ACSS1: variants seen among roughly 807,000 people sequenced by gnomAD.
ACSS1 encodes the protein acyl-CoA synthetase short chain family member 1, also known as acetyl-coenzyme A synthetase 2-like, mitochondrial.
A neutral mutation model predicts 75.3 loss-of-function variants in ACSS1; 42 were observed. That is an observed-to-expected ratio of 0.56 (90% CI 0.44 to 0.72). The LOEUF (loss-of-function observed/expected upper bound fraction) is 0.72. ACSS1 is among the 30% of genes least tolerant of loss of function. The probability of loss-of-function intolerance (pLI) is 0.00; values close to 1 mark genes in which losing one functional copy is unlikely to be tolerated. For synonymous variants in ACSS1, 380 were observed against 376.8 expected (o/e 1.01, Z -0.10); for missense variants, 782 against 935.7 (o/e 0.84, Z 2.14).
intron 1 of ACSS1, among the ~76,000 whole-genome samples, chr20:25,055,611 AG>A (rs1378945302): frequency 2.0e-5 from 3 of 152,204 alleles, no homozygotes; most frequent in African/African-American, 7.2e-5. Flanking sequence ...GTCCCATCCC[AG>A]GGTTTCTGAT....
At chr20:25,027,132 A>G (rs2122665193) in intron 3 of ACSS1, among the ~76,000 whole-genome samples, 1 of 152,350 alleles carries the variant, frequency 6.6e-6, no homozygotes, top group Middle Eastern at 3.4e-3. Context: ...TAAGTCACTT[A>G]AACTCTCTGT....
intron 2 of ACSS1, among the ~76,000 whole-genome samples, chr20:25,033,343 G>A (rs1332087972): frequency 6.6e-6 from 1 of 152,208 alleles, no homozygotes; most frequent in East Asian, 1.9e-4. Context: ...AAGGCCTGGG[G>A]TAGCTTTCTG....
intron 1 of ACSS1, 26 bp downstream of exon 1, chr20:25,057,743 T>C (rs751212508): frequency 2.0e-6 from 3 of 1,532,414 alleles, no homozygotes; most frequent in African/African-American, 1.4e-5. Flanking sequence ...GTTGGGGGCG[T>C]CCTGGGTCTC....
chr20:25,012,783 G>T, intron 11 of ACSS1, 29 bp downstream of exon 11: 1 of 1,613,670 alleles, frequency 6.2e-7, no homozygotes, highest in Non-Finnish European at 8.5e-7. Flanking sequence ...AGGTGTAGGA[G>T]TGAAGGAGGA....
chr20:25,043,772 C>T (rs571735053), intron 2 of ACSS1, among the ~76,000 whole-genome samples: 1 of 152,358 alleles, frequency 6.6e-6, no homozygotes, highest in South Asian at 2.1e-4. Context: ...CCCAGCTCTG[C>T]TCCTCCGTGC....
chr20:25,020,282 C>T, intron 6 of ACSS1, 135 bp from the exon 7 acceptor site: 1 of 1,201,012 alleles, frequency 8.3e-7, no homozygotes, highest in Non-Finnish European at 1.2e-6. Flanking sequence ...ATCCCCCCAA[C>T]CCCCCACCCC....
At chr20:25,034,980 C>T (rs1344537897) in intron 2 of ACSS1, among the ~76,000 whole-genome samples, 1 of 152,036 alleles carries the variant, frequency 6.6e-6, no homozygotes, top group Non-Finnish European at 1.5e-5. Context: ...GCAAGCTCCG[C>T]CCCCTGGGTT....
intron 12 of ACSS1, chr20:25,011,787 G>T (rs1206300420): frequency 2.6e-5 from 4 of 152,276 alleles, no homozygotes; most frequent in African/African-American, 9.6e-5. Context: ...GCACATAGAA[G>T]TGCAGGGAGG....
chr20:25,032,031 G>A (rs553356870), intron 2 of ACSS1, among the ~76,000 whole-genome samples: 16 of 152,296 alleles, frequency 1.1e-4, no homozygotes, highest in East Asian at 7.7e-4. Context: ...CTGCAGCCCC[G>A]AGACAGCACT....
Position 25,007,565 on chromosome 20 carries a change from G to T in ACSS1, c.*197C>A. 2 of 1,425,022 alleles carry T rather than the reference G, an allele frequency of 1.4e-6. No homozygotes were observed. The highest frequency in any genetic ancestry group is 1.8e-6 in the Non-Finnish European group (2 of 1,093,258). The allele number at this position is 1,425,022 out of a possible 1,614,324, so 88.3% of individuals were successfully genotyped here. ...TAGCCATGTCGCATAGCCTCTCCATGGGTGACACTCCTGGGACCTCCAATG... is the reference window on the plus strand; with the variant it reads ...TAGCCATGTCGCATAGCCTCTCCATTGGTGACACTCCTGGGACCTCCAATG... On this transcript the variant is annotated 3_prime_UTR_variant, in exon 14 of 14. Transcript: ENST00000323482.
chr20:25,052,916 T>C (rs2089193843), intron 1 of ACSS1, among the ~76,000 whole-genome samples: 1 of 152,188 alleles, frequency 6.6e-6, no homozygotes, highest in South Asian at 2.1e-4. Flanking sequence ...GGGATTTCCA[T>C]TACAATCCTG....
At chr20:25,027,779 C>CAAAAAAA (rs78414153) in intron 3 of ACSS1, among the ~76,000 whole-genome samples, 5 of 75,348 alleles carry the variant, frequency 6.6e-5, no homozygotes, top group Admixed American at 1.4e-4. Flanking sequence ...AGTGATCAGG[C>CAAAAAAA]AAAAAAAAAA....
At chr20:25,037,942 A>G (rs1162088666) in intron 2 of ACSS1, among the ~76,000 whole-genome samples, 1 of 152,260 alleles carries the variant, frequency 6.6e-6, no homozygotes, top group Non-Finnish European at 1.5e-5. Context: ...GTCAGCTAGC[A>G]GGGCTCATAA....
At chr20:25,015,459 C>A (rs894391840) in intron 7 of ACSS1, among the ~76,000 whole-genome samples, 13 of 152,132 alleles carry the variant, frequency 8.5e-5, no homozygotes, top group Non-Finnish European at 1.8e-4. Flanking sequence ...CCACACCCGG[C>A]TAATTTTTTG....
At chr20:25,014,205 G>A (rs2088475093) in intron 8 of ACSS1, 132 bp from the exon 9 acceptor site, 1 of 739,306 alleles carries the variant, frequency 1.4e-6, no homozygotes, top group Non-Finnish European at 2.3e-6. Flanking sequence ...GATCTTTGAG[G>A]CAAACCAGAT....
intron 12 of ACSS1, 66 bp from the exon 13 acceptor site, chr20:25,009,454 G>A (rs2088368749): frequency 7.5e-7 from 1 of 1,331,272 alleles, no homozygotes; most frequent in African/African-American, 1.4e-5. Flanking sequence ...CCGAGGCAGG[G>A]TGCTATGCAC....
At chr20:25,030,061 G>C (rs1288492232) in intron 3 of ACSS1, among the ~76,000 whole-genome samples, 1 of 152,146 alleles carries the variant, frequency 6.6e-6, no homozygotes, top group Non-Finnish European at 1.5e-5. Flanking sequence ...TATACAGAGG[G>C]AGGTCAACAG....
intron 1 of ACSS1, among the ~76,000 whole-genome samples, chr20:25,050,796 C>G (rs1001176521): frequency 6.6e-6 from 1 of 152,040 alleles, no homozygotes; most frequent in African/African-American, 2.4e-5. Flanking sequence ...AGCAGGACAT[C>G]CTGCACCATT....
intron 6 of ACSS1, among the ~76,000 whole-genome samples, chr20:25,021,186 C>A (rs897791056): frequency 6.6e-6 from 1 of 152,250 alleles, no homozygotes; most frequent in Admixed American, 6.5e-5. Context: ...AGCACCAAGT[C>A]AGACTCCCTG....
Sources: gnomAD v4.1 joint callset for allele counts (sites outside exome capture counted in the v4.1 genomes callset) on GRCh38, gnomAD v4.1.1 for gene constraint, MANE v1.5 for transcripts, NCBI Gene and HGNC (gene_info 2026-07-23, HGNC 2026-07-21) for gene names.